The following DIAPH2 variants were observed in gnomAD, a reference collection of about 807,000 sequenced individuals.
DIAPH2 encodes protein diaphanous homolog 2.
A neutral mutation model predicts 92.7 loss-of-function variants in DIAPH2; 35 were observed. The observed-to-expected ratio is 0.38, with a 90% CI of 0.29 to 0.50. The LOEUF is 0.50. Among genes scored for constraint, DIAPH2 ranks in the 20% least tolerant of loss-of-function variants. The pLI is 0.94. For missense variants in DIAPH2, 701 were observed against 819.5 expected, an observed-to-expected ratio of 0.86 and a Z score of 1.77; for synonymous variants, 301 against 280.4, an observed-to-expected ratio of 1.07 and a Z score of -0.73.
At position 96,791,530 on chromosome X, in the gene DIAPH2, C is replaced by CT. The variant is rs10716008; in HGVS notation, c.447+33288dup. On this transcript the variant is annotated intron_variant, in intron 4 of 26. Transcript: ENST00000324765. ...CCCAGCTTGGGTGACAGTGAGACTC[C>CT]TTTTTTTTTTTTTTTTGAGACTCCT... Among the ~76,000 whole-genome samples, 182 of 91,633 alleles carry CT rather than the reference C, an allele frequency of 2.0e-3. 1 individual carries two copies. Among genetic ancestry groups the CT allele is most frequent in the East Asian group, 3.5e-3 (10 of 2,841 alleles). The allele number at this position is 91,633 out of a possible 115,157, so 79.6% of individuals were successfully genotyped here.
intron 22 of DIAPH2, among the ~76,000 whole-genome samples, chrX:97,170,328 T>C (rs2067442679): frequency 8.9e-6 from 1 of 112,036 alleles, no homozygotes; most frequent in Non-Finnish European, 1.9e-5. Flanking sequence ...TTTAGAGTTC[T>C]AGAAGATGAA....
At chrX:97,335,745 T>C (rs746208496) in intron 23 of DIAPH2, among the ~76,000 whole-genome samples, 2 of 112,155 alleles carry the variant, frequency 1.8e-5, no homozygotes, top group Non-Finnish European at 3.8e-5. Flanking sequence ...GATTGTATTC[T>C]ATGCTTCATT....
chrX:97,260,338 G>A (rs2068278726), intron 23 of DIAPH2, among the ~76,000 whole-genome samples: 1 of 112,464 alleles, frequency 8.9e-6, no homozygotes. Flanking sequence ...ACTATGGCAG[G>A]TGATAAGGAA....
intron 26 of DIAPH2, among the ~76,000 whole-genome samples, chrX:97,453,805 T>C (rs952630693): frequency 8.9e-6 from 1 of 111,953 alleles, no homozygotes; most frequent in Non-Finnish European, 1.9e-5. Context: ...CACAGATTAT[T>C]GCTGCTTATT....
chrX:96,856,915 T>C (rs1343516354), intron 4 of DIAPH2, among the ~76,000 whole-genome samples: 1 of 110,168 alleles, frequency 9.1e-6, no homozygotes, highest in Non-Finnish European at 1.9e-5. Context: ...GGCTGGCACC[T>C]GTAATCCCAG....
chrX:96,884,547 A>G (rs750718576), intron 5 of DIAPH2: 2 of 1,210,873 alleles, frequency 1.7e-6, no homozygotes, highest in Admixed American at 2.2e-5. Flanking sequence ...TCGTGGGGGT[A>G]ATCAGAGGGG....
chrX:97,161,240 T>C (rs1349093354), intron 22 of DIAPH2, among the ~76,000 whole-genome samples: 1 of 110,033 alleles, frequency 9.1e-6, no homozygotes, highest in African/African-American at 3.3e-5. Flanking sequence ...AGCCTTACTT[T>C]TCTCTTCCTT....
At chrX:97,184,305 C>A (rs748192620) in intron 22 of DIAPH2, among the ~76,000 whole-genome samples, 7 of 111,967 alleles carry the variant, frequency 6.3e-5, no homozygotes, top group Admixed American at 2.9e-4. Context: ...TGGTTATGTT[C>A]GTCACTTATC....
At chrX:97,352,894 G>C (rs1232504562) in intron 24 of DIAPH2, among the ~76,000 whole-genome samples, 1 of 75,271 alleles carries the variant, frequency 1.3e-5, no homozygotes, top group Non-Finnish European at 2.6e-5. Context: ...AAAAAAAAAA[G>C]AACAGCATAC....
At chrX:97,319,000 G>A (rs2068866956) in intron 23 of DIAPH2, among the ~76,000 whole-genome samples, 1 of 111,239 alleles carries the variant, frequency 9.0e-6, no homozygotes, top group Non-Finnish European at 1.9e-5. Context: ...TTTCCCTTCT[G>A]AGCCAAAGGT....
At chrX:97,518,502 G>A (rs957656105) in intron 26 of DIAPH2, among the ~76,000 whole-genome samples, 3 of 109,956 alleles carry the variant, frequency 2.7e-5, no homozygotes, top group Non-Finnish European at 5.7e-5. Context: ...GTATGTATGT[G>A]TGTGTATGTG....
At chrX:97,229,799 A>C (rs112924704) in intron 22 of DIAPH2, among the ~76,000 whole-genome samples, 2 of 94,935 alleles carry the variant, frequency 2.1e-5, no homozygotes, top group East Asian at 6.3e-4. Context: ...ATATAATAAG[A>C]TATAATATAT....
intron 17 of DIAPH2, among the ~76,000 whole-genome samples, chrX:96,980,373 G>A (rs905948146): frequency 9.9e-5 from 11 of 110,989 alleles, no homozygotes; most frequent in Middle Eastern, 4.7e-3. Flanking sequence ...CAATCAAGCC[G>A]TCCCTCTGAA....
intron 25 of DIAPH2, among the ~76,000 whole-genome samples, chrX:97,397,825 C>T (rs1349790171): frequency 8.9e-6 from 1 of 112,228 alleles, no homozygotes; most frequent in African/African-American, 3.2e-5. Context: ...TTTTCTAGAA[C>T]AGTATTTCTG....
At chrX:96,836,241 G>A (rs1412504318) in intron 4 of DIAPH2, among the ~76,000 whole-genome samples, 7 of 109,976 alleles carry the variant, frequency 6.4e-5, no homozygotes, top group Admixed American at 2.9e-4. Flanking sequence ...TAACCACAGA[G>A]GTGGTAAGGG....
chrX:97,226,363 T>C (rs758234372), intron 22 of DIAPH2, among the ~76,000 whole-genome samples: 18 of 104,384 alleles, frequency 1.7e-4, no homozygotes, highest in Middle Eastern at 4.3e-3. Context: ...TTTTTTGTTT[T>C]ATTTTGTTTT....
chrX:97,267,869 C>T lies in DIAPH2; in HGVS notation c.2844+20030C>T, dbSNP rs191219039. ...TTATAAGACTCACTGTACAACTAAA[C>T]TGACTGACTTTGACCCTCATGAATA... is the stretch of plus-strand genomic sequence containing the variant. On this transcript the variant is annotated intron_variant, in intron 23 of 26. Transcript: ENST00000324765. Among the ~76,000 whole-genome samples the T allele has an allele frequency of 4.5e-5, 5 of 111,656 alleles. No individual in the cohort carries two copies. In the East Asian group the frequency reaches 1.4e-3, roughly 31 times the overall value.
chrX:97,039,314 T>C (rs1163173649), intron 17 of DIAPH2, among the ~76,000 whole-genome samples: 2 of 111,600 alleles, frequency 1.8e-5, no homozygotes, highest in African/African-American at 6.5e-5. Flanking sequence ...ATTAACCCAT[T>C]ATCACCATTT....
chrX:97,313,646 T>C (rs1465328642), intron 23 of DIAPH2, among the ~76,000 whole-genome samples: 2 of 110,892 alleles, frequency 1.8e-5, no homozygotes, highest in Non-Finnish European at 3.8e-5. Context: ...AAGGCTTTAC[T>C]GTTTTTTTTT....
Sources: allele counts gnomAD v4.1 joint callset (sites outside exome capture counted in the v4.1 genomes callset), GRCh38; gene constraint gnomAD v4.1.1; transcripts MANE v1.5; gene names NCBI Gene and HGNC (gene_info 2026-07-23, HGNC 2026-07-21).